LHPP: variants seen among roughly 807,000 people sequenced by gnomAD.
The protein encoded by LHPP is hLHPP.
In LHPP, 24 loss-of-function variants were observed where a neutral mutation model predicts 30.3. That is an observed-to-expected ratio of 0.79 (90% CI 0.57 to 1.11). The LOEUF (loss-of-function observed/expected upper bound fraction) is 1.11, where lower values mean the gene tolerates loss of function less well. LHPP is among the 50% of genes most tolerant of loss of function. The pLI, the probability that LHPP is intolerant of heterozygous loss-of-function variation, is 0.00. For synonymous variants in LHPP, 150 were observed against 157.1 expected (o/e 0.95, Z 0.34); for missense variants, 356 against 367.2 (o/e 0.97, Z 0.25).
chr10:124,496,016 C>T lies in LHPP; in HGVS notation c.468-945C>T, dbSNP rs1217752734. 2.0e-5 allele frequency among the ~76,000 whole-genome samples: 3 copies of T among 152,194 alleles called. No individual in the cohort carries two copies. Among genetic ancestry groups the T allele is most frequent in the African/African-American group, 4.8e-5 (2 of 41,448 alleles). On this transcript the variant is annotated intron_variant, in intron 3 of 6. Transcript: ENST00000368842. The surrounding 1 kb of genome is among the most constrained non-coding windows in gnomAD (Gnocchi z 4.3). The stretch of plus-strand genomic sequence containing the variant: ...CTTCTTCCCTCTCGTTTTCTGCATA[C>T]GTGCTTTCTCCACGTCTCCCATATC...
intron 6 of LHPP, among the ~76,000 whole-genome samples, chr10:124,569,032 C>A (rs1012936890): frequency 3.9e-5 from 6 of 152,172 alleles, no homozygotes; most frequent in African/African-American, 1.4e-4. Flanking sequence ...CATTGCAGGA[C>A]CTGCTGGTAA....
At chr10:124,511,183 G>A (rs560448622) in intron 5 of LHPP, among the ~76,000 whole-genome samples, 12 of 152,174 alleles carry the variant, frequency 7.9e-5, no homozygotes, top group South Asian at 2.1e-4. Context: ...TTTACTTCAC[G>A]TTTCTTAAAA....
At chr10:124,508,138 T>A (rs947807099) in intron 5 of LHPP, among the ~76,000 whole-genome samples, 1 of 151,768 alleles carries the variant, frequency 6.6e-6, no homozygotes, top group African/African-American at 2.4e-5. Context: ...GAGTGGGGAG[T>A]ACATGTCTGT....
Position 124,592,938 on chromosome 10 carries a change from G to A in LHPP, c.717-20326G>A, listed in dbSNP as rs1024575459. On this transcript the variant is annotated intron_variant, in intron 6 of 6. Transcript: ENST00000368842. This position sits in a 1 kb window ranked among gnomAD's most constrained non-coding sequence, Gnocchi z 6.2. ...ACCGCCCCAGGCAGGCTGGCGTCCC[G>A]GGGGCCAGAATGAATGGACCCTCAC... Among the ~76,000 whole-genome samples the A allele has an allele frequency of 5.9e-5, 9 of 152,360 alleles. No individual in the cohort carries two copies. The highest frequency in any genetic ancestry group is 1.9e-4 in the East Asian group (1 of 5,182).
intron 6 of LHPP, among the ~76,000 whole-genome samples, chr10:124,594,702 C>G (rs1487010986): frequency 6.6e-6 from 1 of 151,374 alleles, no homozygotes; most frequent in Non-Finnish European, 1.5e-5. Flanking sequence ...GTGATCTCAG[C>G]TCACTGCAAC....
intron 1 of LHPP, among the ~76,000 whole-genome samples, chr10:124,479,673 G>A (rs1298002894): frequency 6.6e-6 from 1 of 152,166 alleles, no homozygotes; most frequent in African/African-American, 2.4e-5. Context: ...GCTCTCTGGT[G>A]TCTCTTCCTC....
chr10:124,545,495 T>G (rs1223998479), intron 6 of LHPP, among the ~76,000 whole-genome samples: 1 of 152,216 alleles, frequency 6.6e-6, no homozygotes, highest in East Asian at 1.9e-4. Flanking sequence ...AGGGTCTTTG[T>G]GCAGGGGCAG....
rs1402714984 is a variant in LHPP, at chr10:124,592,593, G to C, written c.717-20671G>C. Among the ~76,000 whole-genome samples the C allele has an allele frequency of 6.6e-6, 1 of 152,204 alleles. No individual in the cohort carries two copies. Among genetic ancestry groups the C allele is most frequent in the East Asian group, 1.9e-4 (1 of 5,192 alleles). On this transcript the variant is annotated intron_variant, in intron 6 of 6. Transcript: ENST00000368842. The surrounding 1 kb of genome is among the most constrained non-coding windows in gnomAD (Gnocchi z 6.2). ...CCGGCACCCTCCTGAGGACCACTGA[G>C]CCCCAACCACCACCATGCCCATGGC...
chr10:124,501,611 A>G (rs1238912674), intron 5 of LHPP, among the ~76,000 whole-genome samples: 2 of 150,756 alleles, frequency 1.3e-5, no homozygotes, highest in African/African-American at 5.0e-5. Flanking sequence ...TAAAAAAAAA[A>G]AAAAAAAAAA....
At chr10:124,527,069 C>T (rs1024364899) in intron 6 of LHPP, among the ~76,000 whole-genome samples, 5 of 152,162 alleles carry the variant, frequency 3.3e-5, no homozygotes, top group African/African-American at 4.8e-5. Flanking sequence ...CGCCACAGAG[C>T]CCCTCTGAGA....
At chr10:124,575,401 C>T (rs1194728490) in intron 6 of LHPP, among the ~76,000 whole-genome samples, 1 of 152,158 alleles carries the variant, frequency 6.6e-6, no homozygotes, top group African/African-American at 2.4e-5. Flanking sequence ...AGGTACAGTT[C>T]ACTCCCTAAT....
rs71026102 is a variant in LHPP, at chr10:124,594,329, C to CAAAAAAAA, written c.717-18920_717-18913dup. On this transcript the variant is annotated intron_variant, in intron 6 of 6. Transcript: ENST00000368842. ...TGGGCGGCAGAGTGAGACTCCATCT[C>CAAAAAAAA]AAAAAAAAAAAAAAAAAAAAAAGAC... Among the ~76,000 whole-genome samples, 5 of 75,322 alleles carry CAAAAAAAA rather than the reference C, an allele frequency of 6.6e-5. 1 individual carries two copies. Among genetic ancestry groups the CAAAAAAAA allele is most frequent in the Non-Finnish European group, 1.1e-4 (5 of 44,514 alleles). The allele number at this position is 75,322 out of a possible 152,430, so 49.4% of individuals were successfully genotyped here. A position where few individuals can be genotyped will look rare whatever the true frequency, so the allele number is the denominator to read the frequency against.
intron 6 of LHPP, among the ~76,000 whole-genome samples, chr10:124,528,047 G>GCCGCACCCA (rs1954791046): frequency 9.0e-6 from 1 of 110,694 alleles, no homozygotes; most frequent in Non-Finnish European, 1.8e-5. Context: ...GGGATTACCC[G>GCCGCACCCA]GCTTGAGCAT....
Position 124,592,526 on chromosome 10 carries a change from AAGTTCCCGATTTCCCTTCCAGTCCTC to A in LHPP, c.717-20733_717-20708del. ...AGAATCCTGAGCCTAAATTGCTGCC[AAGTTCCCGATTTCCCTTCCAGTCCTC>A]AGTTTCCCCTTCTCTCCGGCACCCT... is the stretch of plus-strand genomic sequence containing the variant. On this transcript the variant is annotated intron_variant, in intron 6 of 6. Transcript: ENST00000368842. This position sits in a 1 kb window ranked among gnomAD's most constrained non-coding sequence, Gnocchi z 6.2. Among the ~76,000 whole-genome samples the A allele has an allele frequency of 6.6e-6, 1 of 152,260 alleles. No individual in the cohort carries two copies.
chr10:124,470,799 G>A (rs1476231646), intron 1 of LHPP, among the ~76,000 whole-genome samples: 1 of 152,022 alleles, frequency 6.6e-6, no homozygotes, highest in African/African-American at 2.4e-5. Context: ...GTAGGGAGAG[G>A]GCCATTTGTT....
intron 1 of LHPP, 108 bp from the exon 2 acceptor site, chr10:124,484,031 T>C: frequency 1.9e-6 from 2 of 1,045,746 alleles, no homozygotes; most frequent in Non-Finnish European, 2.8e-6. Flanking sequence ...AGTGGCCTAG[T>C]CTGCTCTGGG....
At chr10:124,539,406 C>G (rs1279188458) in intron 6 of LHPP, among the ~76,000 whole-genome samples, 1 of 152,178 alleles carries the variant, frequency 6.6e-6, no homozygotes, top group Non-Finnish European at 1.5e-5. Flanking sequence ...TGGCAGATTG[C>G]TTGAGCCCAG....
chr10:124,469,767 G>A (rs975455351), intron 1 of LHPP, among the ~76,000 whole-genome samples: 1 of 152,094 alleles, frequency 6.6e-6, no homozygotes, highest in African/African-American at 2.4e-5. Flanking sequence ...AGGTGGAGCC[G>A]ATGCTGCAGT....
chr10:124,608,541 G>A (rs1362670169), intron 6 of LHPP, among the ~76,000 whole-genome samples: 1 of 152,280 alleles, frequency 6.6e-6, no homozygotes, highest in Non-Finnish European at 1.5e-5. Context: ...GCTTAGGGAA[G>A]TTGCCTGAGG....
Sources: allele counts gnomAD v4.1 joint callset (sites outside exome capture counted in the v4.1 genomes callset), GRCh38; gene constraint gnomAD v4.1.1; non-coding constraint Gnocchi (gnomAD v3.1); transcripts MANE v1.5; gene names NCBI Gene and HGNC (gene_info 2026-07-23, HGNC 2026-07-21).